Variants in DGKI observed in about 807,000 individuals in gnomAD.
The protein encoded by DGKI is diacylglycerol kinase iota.
DGKI carries 55 observed loss-of-function variants against 147.5 expected under a neutral mutation model. The ratio of observed to expected loss-of-function variants is 0.37; its 90% confidence interval spans 0.30 to 0.47. DGKI has a LOEUF of 0.47. Ranked by LOEUF, DGKI falls within the 20% of genes least tolerant of loss-of-function variation. DGKI has a pLI of 1.00. For missense variants in DGKI, 1,007 were observed against 1,323.8 expected (o/e 0.76, Z 3.71); for synonymous variants, 469 against 477.1 (o/e 0.98, Z 0.22).
In DGKI at chr7:137,426,499, C is replaced by G. The variant is rs554480829; in HGVS notation, c.2762-14292G>C. On this transcript the variant is annotated intron_variant, in intron 28 of 32. Transcript: ENST00000614521. ...GGAAGAAACTGCATCAACTAACAAG[C>G]AAAATAACCAGCTAACATCATAATG... Among the ~76,000 whole-genome samples, 188 of 152,202 alleles carry G rather than the reference C, an allele frequency of 1.2e-3. 1 individual carries two copies. Among genetic ancestry groups the G allele is most frequent in the Non-Finnish European group, 2.2e-3 (151 of 68,020 alleles).
At chr7:137,783,238 G>T (rs893516682) in intron 1 of DGKI, among the ~76,000 whole-genome samples, 1 of 152,128 alleles carries the variant, frequency 6.6e-6, no homozygotes. Context: ...CGTGATACAG[G>T]ATATGAAAGG....
intron 1 of DGKI, among the ~76,000 whole-genome samples, chr7:137,756,725 T>A (rs1026735917): frequency 6.6e-6 from 1 of 152,070 alleles, no homozygotes; most frequent in Non-Finnish European, 1.5e-5. Context: ...AAAAAAAAAA[T>A]TAGTTCCAAT....
chr7:137,486,865 T>C (rs1166768022), intron 22 of DGKI, among the ~76,000 whole-genome samples: 1 of 152,076 alleles, frequency 6.6e-6, no homozygotes, highest in Non-Finnish European at 1.5e-5. Flanking sequence ...AAAATACAAA[T>C]GTCTAGGCCA....
At chr7:137,442,550 T>G (rs1425532393) in intron 28 of DGKI, among the ~76,000 whole-genome samples, 1 of 152,202 alleles carries the variant, frequency 6.6e-6, no homozygotes, top group East Asian at 1.9e-4. Flanking sequence ...AGGGCCTATA[T>G]AAATGGGCAA....
intron 20 of DGKI, among the ~76,000 whole-genome samples, chr7:137,547,671 G>T (rs1440047623): frequency 1.3e-5 from 2 of 152,172 alleles, no homozygotes; most frequent in Non-Finnish European, 2.9e-5. Flanking sequence ...AGCTATGACA[G>T]ACACTGAGGA....
intron 1 of DGKI, among the ~76,000 whole-genome samples, chr7:137,746,790 A>C (rs1415942991): frequency 6.6e-6 from 1 of 152,078 alleles, no homozygotes; most frequent in East Asian, 1.9e-4. Flanking sequence ...GGCTGGCTTT[A>C]TCCTCAAGAC....
intron 6 of DGKI, among the ~76,000 whole-genome samples, chr7:137,631,529 C>T (rs1226577931): frequency 6.6e-6 from 1 of 152,114 alleles, no homozygotes; most frequent in Non-Finnish European, 1.5e-5. Flanking sequence ...GAACTAGCTG[C>T]AGGACCTAAT....
chr7:137,524,445 G>C (rs899983017), intron 20 of DGKI, among the ~76,000 whole-genome samples: 2 of 152,040 alleles, frequency 1.3e-5, no homozygotes, highest in Non-Finnish European at 2.9e-5. Flanking sequence ...CAATAATGCA[G>C]GACAAGAATA....
At chr7:137,423,827 C>A (rs905754033) in intron 28 of DGKI, among the ~76,000 whole-genome samples, 5 of 151,944 alleles carry the variant, frequency 3.3e-5, no homozygotes, top group African/African-American at 1.2e-4. Flanking sequence ...AAGAGCATAC[C>A]CTCACTTATT....
chr7:137,790,907 A>G (rs560726106), intron 1 of DGKI, among the ~76,000 whole-genome samples: 9 of 152,344 alleles, frequency 5.9e-5, no homozygotes, highest in African/African-American at 1.9e-4. Flanking sequence ...GGCAACCTTC[A>G]GCACTTGGCT....
At chr7:137,764,564 T>G (rs1014235793) in intron 1 of DGKI, among the ~76,000 whole-genome samples, 1 of 152,136 alleles carries the variant, frequency 6.6e-6, no homozygotes, top group Non-Finnish European at 1.5e-5. Flanking sequence ...CTTAGATGCC[T>G]CCAAAGGCAG....
At chr7:137,602,633 A>T (rs1381075642) in intron 10 of DGKI, among the ~76,000 whole-genome samples, 1 of 152,214 alleles carries the variant, frequency 6.6e-6, no homozygotes, top group Non-Finnish European at 1.5e-5. Flanking sequence ...AATGAATTCT[A>T]TTAACTCTGC....
chr7:137,449,386 G>A, intron 27 of DGKI, among the ~76,000 whole-genome samples: 1 of 152,280 alleles, frequency 6.6e-6, no homozygotes, highest in South Asian at 2.1e-4. Flanking sequence ...ACATAATAAG[G>A]AAAGGACAGT....
intron 1 of DGKI, among the ~76,000 whole-genome samples, chr7:137,801,444 A>G (rs750580392): frequency 5.9e-5 from 9 of 152,246 alleles, no homozygotes; most frequent in Non-Finnish European, 1.0e-4. Flanking sequence ...AAAATAAACA[A>G]CAAAAGCATT....
At chr7:137,589,002 C>G (rs983407539) in intron 12 of DGKI, among the ~76,000 whole-genome samples, 4 of 152,106 alleles carry the variant, frequency 2.6e-5, no homozygotes, top group Non-Finnish European at 2.9e-5. Context: ...AGTGGCCAAC[C>G]CCTTAACTGC....
At chr7:137,822,370 G>T (rs573742570) in intron 1 of DGKI, among the ~76,000 whole-genome samples, 1 of 152,044 alleles carries the variant, frequency 6.6e-6, no homozygotes, top group Non-Finnish European at 1.5e-5. Context: ...TCACTCCCCT[G>T]CACTCCAGCC....
chr7:137,393,436 T>C (rs1262729023), intron 32 of DGKI, among the ~76,000 whole-genome samples: 4 of 152,094 alleles, frequency 2.6e-5, no homozygotes, highest in Non-Finnish European at 5.9e-5. Flanking sequence ...AGGACCAGCC[T>C]TTGTGTGGTA....
intron 28 of DGKI, among the ~76,000 whole-genome samples, chr7:137,439,678 C>A (rs1813419512): frequency 6.6e-6 from 1 of 152,174 alleles, no homozygotes; most frequent in Non-Finnish European, 1.5e-5. Flanking sequence ...CGTCTCCAAG[C>A]CTGACAGTGG....
At chr7:137,485,452 T>C (rs1280667498) in intron 22 of DGKI, 34 bp from the exon 23 acceptor site, 1 of 1,557,894 alleles carries the variant, frequency 6.4e-7, no homozygotes, top group African/African-American at 1.4e-5. Flanking sequence ...ATCCATACCT[T>C]AAAATTAGTT....
Sources: allele counts gnomAD v4.1 joint callset (sites outside exome capture counted in the v4.1 genomes callset), GRCh38; gene constraint gnomAD v4.1.1; transcripts MANE v1.5; gene names NCBI Gene and HGNC (gene_info 2026-07-23, HGNC 2026-07-21).